The following MEGF8 variants were observed in gnomAD, a reference collection of about 807,000 sequenced individuals.
MEGF8 encodes multiple epidermal growth factor-like domains protein 8.
MEGF8 carries 156 observed loss-of-function variants against 302.9 expected under a neutral mutation model. The ratio of observed to expected loss-of-function variants is 0.52; its 90% CI spans 0.45 to 0.59. MEGF8 has a LOEUF of 0.59. MEGF8 is among the 20% of genes least tolerant of loss of function. The pLI is 0.00. For missense variants in MEGF8, 3,345 were observed against 3,964.5 expected (o/e 0.84, Z 4.20); for synonymous variants, 1,621 against 1,660.5 (o/e 0.98, Z 0.58).
At position 42,360,949 on chromosome 19, in the gene MEGF8, A is replaced by G. The variant is rs1399594867; in HGVS notation, c.5663A>G (p.Gln1888Arg). 2 of 1,600,004 alleles carry G rather than the reference A, an allele frequency of 1.3e-6. No individual in the cohort carries two copies. The highest frequency in any genetic ancestry group is 1.7e-6 in the Non-Finnish European group (2 of 1,170,846). The change falls in exon 32 of 42, where the codon CAG becomes CGG. Residue 1888 changes from glutamine (Q) to arginine (R), a missense_variant. Physicochemically the swap from Gln to Arg is conservative, Grantham distance 43. Coordinates refer to ENST00000251268, the MANE Select transcript of MEGF8 (RefSeq NM_001271938.2). Reference protein sequence around the residue: ...RLLSSPEACNQSGACTWCHGA... With the variant: ...RLLSSPEACNRSGACTWCHGA... Reference sequence around the variant, plus strand: ...CTGTCCTCACCTGAAGCTTGTAACCAGTCTGGGGCCTGCACCTGGTGCCAT... The same window carrying G: ...CTGTCCTCACCTGAAGCTTGTAACCGGTCTGGGGCCTGCACCTGGTGCCAT...
intron 1 of MEGF8, among the ~76,000 whole-genome samples, chr19:42,326,662 G>A (rs1017604460): frequency 6.6e-6 from 1 of 151,964 alleles, no homozygotes; most frequent in Admixed American, 6.6e-5. Context: ...CATCAGTGCC[G>A]GGCCTTCTGA....
Position 42,351,405 on chromosome 19 carries a change from C to T in MEGF8, c.2856-24C>T. The T allele has an allele frequency of 1.3e-6, 2 of 1,582,756 alleles. No individual in the cohort carries two copies. The highest frequency in any genetic ancestry group is 1.7e-6 in the Non-Finnish European group (2 of 1,164,918). On this transcript the variant is annotated intron_variant, in intron 16 of 41. Coordinates refer to ENST00000251268, the MANE Select transcript of MEGF8 (RefSeq NM_001271938.2). The surrounding 1 kb of genome is among the most constrained non-coding windows in gnomAD (Gnocchi z 5.6). Reference sequence around the variant, plus strand: ...GGATGTGTGCTGGCTGTGGAGTGACCTGGCCCCCTGCTCCCCACCCCAGGC... The same window carrying T: ...GGATGTGTGCTGGCTGTGGAGTGACTTGGCCCCCTGCTCCCCACCCCAGGC...
In MEGF8 at chr19:42,377,463, A is replaced by C. The variant is rs1432708875; in HGVS notation, c.*688A>C. On this transcript the variant is annotated 3_prime_UTR_variant, in exon 42 of 42. Coordinates refer to ENST00000251268, the MANE Select transcript of MEGF8 (RefSeq NM_001271938.2). ...GGGAAGCTGTTGGATGGTTTGATGA[A>C]GGGGAGTGACAGGATCCGATGTACC... The C allele has an allele frequency of 6.6e-6, 1 of 152,630 alleles. No individual in the cohort carries two copies. Among genetic ancestry groups the C allele is most frequent in the South Asian group, 2.1e-4 (1 of 4,824 alleles). The allele number at this position is 152,630 out of a possible 1,614,324, so 9.5% of individuals were successfully genotyped here. A position where few individuals can be genotyped will look rare whatever the true frequency, so the allele number is the denominator to read the frequency against.
At chr19:42,340,848 G>C (rs1322603669) in intron 8 of MEGF8, among the ~76,000 whole-genome samples, 1 of 151,260 alleles carries the variant, frequency 6.6e-6, no homozygotes, top group Non-Finnish European at 1.5e-5. Context: ...TTGTATTTTT[G>C]GTAGAGTTGA....
At position 42,358,301 on chromosome 19, in the gene MEGF8, G is replaced by A. The variant is rs1479305570; in HGVS notation, c.5169G>A (p.Gly1723=). The A allele has an allele frequency of 2.5e-6, 4 of 1,601,600 alleles. No homozygotes were observed. Among genetic ancestry groups the A allele is most frequent in the East Asian group, 2.3e-5 (1 of 44,176 alleles). Residue 1723 remains glycine (G), a synonymous_variant, in exon 29 of 42, where the codon GGG becomes GGA. Coordinates refer to ENST00000251268, the MANE Select transcript of MEGF8 (RefSeq NM_001271938.2). This position sits in a 1 kb window ranked among gnomAD's most constrained non-coding sequence, Gnocchi z 4.4. ...GGAGTCTGCTGGCCCCTTCTCAGGG[G>A]GCAAAGGTCAGGAAAAGAGGCTCAG... is the stretch of plus-strand genomic sequence containing the variant. ...RTWSLLAPSQ[G]AKRDRMRNVR... is the part of the protein sequence containing the mutation.
rs546975240 is a variant in MEGF8 at position 42,358,419 on chromosome 19, A to G, written c.5175+112A>G. 53 of 1,331,292 alleles carry G rather than the reference A, an allele frequency of 4.0e-5. No individual in the cohort carries two copies. The Admixed American group carries it at 5.9e-4, about 15-fold the overall frequency. The allele number at this position is 1,331,292 out of a possible 1,614,324, so 82.5% of individuals were successfully genotyped here. On this transcript the variant is annotated intron_variant, in intron 29 of 41. Coordinates refer to ENST00000251268, the MANE Select transcript of MEGF8 (RefSeq NM_001271938.2). The surrounding 1 kb of genome is among the most constrained non-coding windows in gnomAD (Gnocchi z 4.4). ...CAGATTCCTGCTTCCCCTCCTTTCTATGTTCCCTAACTAAGCGACACCCCC... is the reference window on the plus strand; with the variant it reads ...CAGATTCCTGCTTCCCCTCCTTTCTGTGTTCCCTAACTAAGCGACACCCCC...
rs376869149 is a variant in MEGF8, at chr19:42,359,119, G to T, written c.5365G>T (p.Ala1789Ser). Residue 1789 changes from alanine (A) to serine (S), a missense_variant, in exon 31 of 42, where the codon GCC becomes TCC. Coordinates refer to ENST00000251268, the MANE Select transcript of MEGF8 (RefSeq NM_001271938.2). ...LKEPRPRLFH[A>S]SALLGDTMVV... Reference sequence around the variant, plus strand: ...ACAGCCCCGCCCCCGGCTTTTCCACGCCTCAGCCCTGTTAGGGGACACCAT... The same window carrying T: ...ACAGCCCCGCCCCCGGCTTTTCCACTCCTCAGCCCTGTTAGGGGACACCAT... 9.1e-6 allele frequency: 12 copies of T among 1,320,998 alleles called. No homozygotes were observed. The East Asian group carries it at 4.4e-4, about 48-fold the overall frequency. The allele number at this position is 1,320,998 out of a possible 1,614,324, so 81.8% of individuals were successfully genotyped here. A position where few individuals can be genotyped will look rare whatever the true frequency, so the allele number is the denominator to read the frequency against.
rs575474122 is a variant in MEGF8 at position 42,358,702 on chromosome 19, C to T, written c.5176-85C>T. On this transcript the variant is annotated intron_variant, in intron 29 of 41. Coordinates refer to ENST00000251268, the MANE Select transcript of MEGF8 (RefSeq NM_001271938.2). The surrounding 1 kb of genome is among the most constrained non-coding windows in gnomAD (Gnocchi z 4.4). ...GAGAGGCTGGTGGTTTCAGTCCACA[C>T]GTTTCCAAGCCCGTCTTGGAGGCAG... is the stretch of plus-strand genomic sequence containing the variant. 3.2e-5 allele frequency: 46 copies of T among 1,430,426 alleles called. No homozygotes were observed. Among genetic ancestry groups the T allele is most frequent in the Middle Eastern group, 3.8e-4 (2 of 5,196 alleles). The allele number at this position is 1,430,426 out of a possible 1,614,324, so 88.6% of individuals were successfully genotyped here.
At chr19:42,339,162 A>G (rs1228165072) in intron 8 of MEGF8, among the ~76,000 whole-genome samples, 1 of 152,116 alleles carries the variant, frequency 6.6e-6, no homozygotes, top group African/African-American at 2.4e-5. Context: ...TCTATCATTG[A>G]TGGGCATTTA....
chr19:42,355,113 T>A (rs942296149), intron 23 of MEGF8, among the ~76,000 whole-genome samples: 2 of 152,084 alleles, frequency 1.3e-5, no homozygotes, highest in South Asian at 4.1e-4. Flanking sequence ...CATGCCACCA[T>A]GCCTGGCTAA....
intron 35 of MEGF8, among the ~76,000 whole-genome samples, chr19:42,365,122 C>T (rs964645132): frequency 6.6e-6 from 1 of 152,208 alleles, no homozygotes; most frequent in Admixed American, 6.5e-5. Context: ...GCAGAGGCCT[C>T]TCGTCTCCAA....
At chr19:42,345,104 C>G (rs753250478) in intron 12 of MEGF8, among the ~76,000 whole-genome samples, 1 of 151,876 alleles carries the variant, frequency 6.6e-6, no homozygotes. Flanking sequence ...CCTGAGTAGC[C>G]GAGATTACAG....
At chr19:42,345,559 G>A (rs1325905343) in intron 12 of MEGF8, among the ~76,000 whole-genome samples, 1 of 152,158 alleles carries the variant, frequency 6.6e-6, no homozygotes, top group Non-Finnish European at 1.5e-5. Flanking sequence ...TTTGTGTCTG[G>A]CTTCTTTCAC....
At chr19:42,343,662 C>T in intron 9 of MEGF8, 31 bp downstream of exon 9, 1 of 1,572,070 alleles carries the variant, frequency 6.4e-7, no homozygotes, top group South Asian at 1.2e-5. Context: ...GAAAGGGTGG[C>T]TGGGGGGAGG....
chr19:42,326,746 T>C (rs2038989732), intron 1 of MEGF8, among the ~76,000 whole-genome samples: 1 of 150,878 alleles, frequency 6.6e-6, no homozygotes. Flanking sequence ...CTACTTTTTT[T>C]TTTTTTTTTT....
intron 32 of MEGF8, 55 bp downstream of exon 32, chr19:42,361,061 C>G: frequency 6.7e-7 from 1 of 1,492,116 alleles, no homozygotes; most frequent in Non-Finnish European, 9.0e-7. Flanking sequence ...AATGGGGGTC[C>G]TGTGCTAGGC....
chr19:42,335,223 G>C lies in MEGF8; in HGVS notation c.739+8G>C. 1.2e-6 allele frequency: 2 copies of C among 1,614,042 alleles called. No individual in the cohort carries two copies. The highest frequency in any genetic ancestry group is 1.1e-5 in the South Asian group (1 of 91,092). The stretch of plus-strand genomic sequence containing the variant: ...TGCTGGCAGTTTTCGGAGGTGAGCA[G>C]ATGGGGCGAGTATCTGGGATCTGGA... On this transcript the variant is annotated splice_region_variant and intron_variant, in intron 4 of 41. Transcript: ENST00000251268.
chr19:42,337,232 G>A, intron 8 of MEGF8, 26 bp downstream of exon 8: 1 of 1,612,348 alleles, frequency 6.2e-7, no homozygotes. Context: ...TCTTCCCTAG[G>A]GGCTCCTGAG....
intron 1 of MEGF8, among the ~76,000 whole-genome samples, chr19:42,330,181 G>T (rs1049720613): frequency 1.2e-4 from 19 of 152,098 alleles, no homozygotes; most frequent in African/African-American, 4.3e-4. Context: ...GGCCTCAAAT[G>T]ATCTGCCCTG....
Sources: gnomAD v4.1 joint callset for allele counts (sites outside exome capture counted in the v4.1 genomes callset) on GRCh38, gnomAD v4.1.1 for gene constraint, Gnocchi (gnomAD v3.1) non-coding constraint, MANE v1.5 for transcripts, NCBI Gene and HGNC (gene_info 2026-07-23, HGNC 2026-07-21) for gene names.